EVL: variants seen among roughly 807,000 people sequenced by gnomAD.
EVL encodes ena/VASP-like protein.
Under a neutral mutation model 59.6 loss-of-function variants are expected in EVL, and 21 were observed. The observed-to-expected ratio is 0.35, with a 90% CI of 0.25 to 0.51. The LOEUF is 0.51. Among genes scored for constraint, EVL ranks in the 20% least tolerant of loss-of-function variants. EVL has a pLI of 0.97. For synonymous variants in EVL, 198 were observed against 203.5 expected (o/e 0.97, Z 0.23); for missense variants, 462 against 546.6 (o/e 0.85, Z 1.54).
intron 3 of EVL, among the ~76,000 whole-genome samples, chr14:100,121,346 G>A (rs970256328): frequency 3.3e-5 from 5 of 152,206 alleles, no homozygotes; most frequent in African/African-American, 1.2e-4. Flanking sequence ...GTAAGGGGGC[G>A]ATGGGAACCT....
At chr14:100,022,384 C>G (rs2061141651) in intron 1 of EVL, among the ~76,000 whole-genome samples, 1 of 151,408 alleles carries the variant, frequency 6.6e-6, no homozygotes, top group Non-Finnish European at 1.5e-5. Flanking sequence ...TTCAAGCAAT[C>G]CTTCTGCCTC....
intron 1 of EVL, among the ~76,000 whole-genome samples, chr14:99,984,601 A>G (rs1200092428): frequency 1.1e-4 from 16 of 152,124 alleles, no homozygotes; most frequent in Admixed American, 8.5e-4. Flanking sequence ...AGTATGATAC[A>G]TTATTACTGA....
Position 99,994,203 on chromosome 14 carries a change from A to C in EVL, c.5+22146A>C, listed in dbSNP as rs537653294. The stretch of plus-strand genomic sequence containing the variant: ...TCTATTGTAGACAGCATATAGTTGG[A>C]TTCTGGTTTTCTATCCATTCAACCA... On this transcript the variant is annotated intron_variant, in intron 1 of 13. Coordinates refer to the EVL transcript ENST00000402714. Among the ~76,000 whole-genome samples, 4 of 126,562 alleles carry C rather than the reference A, an allele frequency of 3.2e-5. No individual in the cohort carries two copies. The South Asian group carries it at 1.0e-3, about 32-fold the overall frequency. The allele number at this position is 126,562 out of a possible 152,430, so 83.0% of individuals were successfully genotyped here. A position where few individuals can be genotyped will look rare whatever the true frequency, so the allele number is the denominator to read the frequency against.
Position 100,108,557 on chromosome 14 carries a change from A to G in EVL, c.358+10899A>G, listed in dbSNP as rs764542166. On this transcript the variant is annotated intron_variant, in intron 3 of 13. Coordinates refer to ENST00000392920, the MANE Select transcript of EVL (RefSeq NM_016337.3). The surrounding 1 kb of genome is among the most constrained non-coding windows in gnomAD (Gnocchi z 4.1). ...GCTGACCCACCCCTGTTCTCACCCC[A>G]GGGCTCCAGATGTTGTATCAGGCAG... Among the ~76,000 whole-genome samples the G allele has an allele frequency of 1.3e-5, 2 of 152,062 alleles. No homozygotes were observed. The highest frequency in any genetic ancestry group is 2.4e-5 in the African/African-American group (1 of 41,396).
At chr14:100,027,012 A>G (rs2140211085) in intron 1 of EVL, among the ~76,000 whole-genome samples, 1 of 152,304 alleles carries the variant, frequency 6.6e-6, no homozygotes, top group Middle Eastern at 3.4e-3. Flanking sequence ...ACAGGGATGG[A>G]CAGACCTCAT....
chr14:99,983,326 TAAGA>T (rs1168597843), intron 1 of EVL, among the ~76,000 whole-genome samples: 1 of 152,184 alleles, frequency 6.6e-6, no homozygotes, highest in African/African-American at 2.4e-5. Flanking sequence ...AAACTTAGGT[TAAGA>T]AAGAGTTACT....
At position 100,141,262 on chromosome 14, in the gene EVL, G is replaced by C. The variant is rs149232543; in HGVS notation, c.1161+16G>C. ...GATGAAGCAGGTGAGCATGCCCTGT[G>C]CCCTTCCCTCAAGAGGCTGAGGGCA... On this transcript the variant is annotated intron_variant, in intron 12 of 13. Coordinates refer to ENST00000392920, the MANE Select transcript of EVL (RefSeq NM_016337.3). 2.8e-4 allele frequency: 446 copies of C among 1,613,266 alleles called. 4 individuals carry two copies. In the African/African-American group the frequency reaches 5.3e-3, roughly 19 times the overall value.
chr14:100,111,345 CAG>C (rs1235938190), intron 3 of EVL, among the ~76,000 whole-genome samples: 5 of 151,962 alleles, frequency 3.3e-5, no homozygotes, highest in African/African-American at 9.7e-5. Context: ...TTAGTAGAGA[CAG>C]GGTTTCACCA....
intron 1 of EVL, among the ~76,000 whole-genome samples, chr14:100,076,235 T>C (rs2062158343): frequency 6.6e-6 from 1 of 152,270 alleles, no homozygotes; most frequent in African/African-American, 2.4e-5. Context: ...CTGGTTGGGC[T>C]ATGTGATCAG....
intron 1 of EVL, among the ~76,000 whole-genome samples, chr14:100,013,643 T>G (rs1299301205): frequency 1.3e-5 from 2 of 152,188 alleles, no homozygotes; most frequent in African/African-American, 2.4e-5. Context: ...AGAATAGTAT[T>G]TTTAGTCATG....
At position 100,084,826 on chromosome 14, in the gene EVL, G is replaced by A; in HGVS notation, c.151G>A (p.Val51Ile). ...YHNTASNTFR[V>I]VGVKLQDQQV... is the part of the protein sequence containing the mutation. Reference sequence around the variant, plus strand: ...CAACACTGCCAGCAACACCTTCAGAGTCGTTGGAGTCAAGTTGCAGGATCA... The same window carrying A: ...CAACACTGCCAGCAACACCTTCAGAATCGTTGGAGTCAAGTTGCAGGATCA... Residue 51 changes from valine (V) to isoleucine (I), a missense_variant, in exon 2 of 14, where the codon GTC becomes ATC. Physicochemically the swap from Val to Ile is conservative, Grantham distance 29 (BLOSUM62 3). Transcript: ENST00000392920. The A allele has an allele frequency of 6.2e-7, 1 of 1,614,200 alleles. No homozygotes were observed. The highest frequency in any genetic ancestry group is 8.5e-7 in the Non-Finnish European group (1 of 1,180,044).
intron 3 of EVL, among the ~76,000 whole-genome samples, chr14:100,101,352 GT>G (rs1566694648): frequency 6.6e-6 from 1 of 152,152 alleles, no homozygotes; most frequent in Admixed American, 6.5e-5. Context: ...ATGATGGTGC[GT>G]GCCTGTAATC....
chr14:100,134,741 T>G (rs970676364), intron 8 of EVL: 1 of 152,234 alleles, frequency 6.6e-6, no homozygotes, highest in Non-Finnish European at 1.5e-5. Flanking sequence ...TCCGGTGACT[T>G]GGGCAGGCCC....
chr14:100,084,405 A>G lies in EVL; in HGVS notation c.12-282A>G, dbSNP rs1221317936. Among the ~76,000 whole-genome samples, 3 of 152,232 alleles carry G rather than the reference A, an allele frequency of 2.0e-5. No homozygotes were observed. In the East Asian group the frequency reaches 5.8e-4, roughly 29 times the overall value. ...TGAACAGTTGGCAAATTATAATTGT[A>G]ATTCCTTTCTTATTCAAGCAACTTC... On this transcript the variant is annotated intron_variant, in intron 1 of 13. Coordinates refer to ENST00000392920, the MANE Select transcript of EVL (RefSeq NM_016337.3).
rs1210911915 is a variant in EVL at position 100,144,079 on chromosome 14, C to T, written c.*341C>T. The stretch of plus-strand genomic sequence containing the variant: ...GTTTTCTCCCAGGTGACGCTGTTAG[C>T]GCCTCAGCTGGCGGTGACAGCCGGC... On this transcript the variant is annotated 3_prime_UTR_variant, in exon 14 of 14. Transcript: ENST00000392920. The T allele has an allele frequency of 3.1e-5, 11 of 360,548 alleles. No individual in the cohort carries two copies. Among genetic ancestry groups the T allele is most frequent in the East Asian group, 1.2e-4 (2 of 17,004 alleles). 22.3% of individuals were successfully genotyped at this position (360,548 alleles called of 1,614,324 possible). A position where few individuals can be genotyped will look rare whatever the true frequency, so the allele number is the denominator to read the frequency against.
At chr14:100,069,181 T>C (rs2061997972) in intron 1 of EVL, among the ~76,000 whole-genome samples, 1 of 152,190 alleles carries the variant, frequency 6.6e-6, no homozygotes, top group African/African-American at 2.4e-5. Flanking sequence ...ACTACTTTGA[T>C]ATATGGTCCT....
chr14:100,122,874 C>T (rs952512190), intron 3 of EVL, among the ~76,000 whole-genome samples: 2 of 152,216 alleles, frequency 1.3e-5, no homozygotes, highest in Admixed American at 6.5e-5. Context: ...GTCCCTCCTT[C>T]AGGGTCCAGG....
At chr14:100,081,045 C>G (rs944368141) in intron 1 of EVL, among the ~76,000 whole-genome samples, 1 of 152,036 alleles carries the variant, frequency 6.6e-6, no homozygotes, top group Non-Finnish European at 1.5e-5. Context: ...CCAAAGAGAC[C>G]AAGATGGGAG....
chr14:100,043,334 A>G (rs1294835934), intron 1 of EVL, among the ~76,000 whole-genome samples: 1 of 151,880 alleles, frequency 6.6e-6, no homozygotes, highest in African/African-American at 2.4e-5. Flanking sequence ...TAGATATACA[A>G]GGGAGGACTT....
Sources: allele counts gnomAD v4.1 joint callset (sites outside exome capture counted in the v4.1 genomes callset), GRCh38; gene constraint gnomAD v4.1.1; non-coding constraint Gnocchi (gnomAD v3.1); transcripts MANE v1.5; gene names NCBI Gene and HGNC (gene_info 2026-07-23, HGNC 2026-07-21).